The following USP6 variants were observed in gnomAD, a reference collection of about 807,000 sequenced individuals.
The protein encoded by USP6 is ubiquitin specific peptidase 6.
A neutral mutation model predicts 175.7 loss-of-function variants in USP6; 128 were observed. The observed-to-expected ratio is 0.73, with a 90% CI of 0.63 to 0.84. The LOEUF (loss-of-function observed/expected upper bound fraction) is 0.84, where lower values mean the gene tolerates loss of function less well. Ranked by LOEUF, USP6 falls within the 40% of genes least tolerant of loss-of-function variation. The pLI, the probability that USP6 is intolerant of heterozygous loss-of-function variation, is 0.00. For synonymous variants in USP6, 562 were observed against 630.6 expected (o/e 0.89, Z 1.63); for missense variants, 1,498 against 1,760.3 (o/e 0.85, Z 2.67).
At chr17:5,149,070 AG>A (rs1170214057) in intron 30 of USP6, among the ~76,000 whole-genome samples, 39 of 152,194 alleles carry the variant, frequency 2.6e-4, no homozygotes, top group African/African-American at 9.2e-4. Flanking sequence ...AAGAGGCAAC[AG>A]GATAGTCAGC....
intron 1 of USP6, among the ~76,000 whole-genome samples, chr17:5,117,973 G>A (rs1384103674): frequency 6.6e-6 from 1 of 151,780 alleles, no homozygotes; most frequent in East Asian, 1.9e-4. Flanking sequence ...GGAGGCTGAG[G>A]CAGGAGAATC....
chr17:5,126,494 G>A (rs574272465), intron 6 of USP6, among the ~76,000 whole-genome samples: 4 of 152,204 alleles, frequency 2.6e-5, no homozygotes, highest in South Asian at 2.1e-4. Context: ...GTTAGGTGAC[G>A]GTGACCTACA....
At chr17:5,146,411 G>T (rs1049280943) in intron 28 of USP6, among the ~76,000 whole-genome samples, 1 of 152,146 alleles carries the variant, frequency 6.6e-6, no homozygotes, top group Non-Finnish European at 1.5e-5. Flanking sequence ...ATGTAAGGCT[G>T]CCTATATGGA....
At chr17:5,162,467 A>C (rs2074023364) in intron 32 of USP6, among the ~76,000 whole-genome samples, 1 of 152,180 alleles carries the variant, frequency 6.6e-6, no homozygotes, top group South Asian at 2.1e-4. Flanking sequence ...TTTTATATGC[A>C]TTTATTTAAT....
intron 21 of USP6, chr17:5,138,978 A>G: frequency 6.7e-7 from 1 of 1,484,982 alleles, no homozygotes; most frequent in Non-Finnish European, 9.0e-7. Flanking sequence ...CAGGCCCAAC[A>G]GCCCTGGGAC....
chr17:5,133,851 C>T (rs1248226488), intron 14 of USP6, 36 bp from the exon 15 acceptor site: 1 of 1,600,476 alleles, frequency 6.2e-7, no homozygotes, highest in African/African-American at 1.3e-5. Context: ...TCCATCTGTT[C>T]TGAGGCTGCT....
chr17:5,135,009 C>T (rs560513886), intron 15 of USP6: 16 of 487,496 alleles, frequency 3.3e-5, no homozygotes, highest in East Asian at 2.3e-4. Flanking sequence ...AAAAATCATT[C>T]AGCGTGAAAA....
intron 31 of USP6, among the ~76,000 whole-genome samples, chr17:5,157,451 C>T (rs2073908446): frequency 6.6e-6 from 1 of 152,134 alleles, no homozygotes; most frequent in Admixed American, 6.5e-5. Context: ...AGGAAAACTG[C>T]AAATAATAGA....
intron 6 of USP6, among the ~76,000 whole-genome samples, chr17:5,126,460 G>A (rs1419167231): frequency 6.6e-6 from 1 of 152,132 alleles, no homozygotes; most frequent in Non-Finnish European, 1.5e-5. Flanking sequence ...TAAGCAGCAG[G>A]CAGAAGACTT....
intron 13 of USP6, 93 bp downstream of exon 13, chr17:5,133,083 G>C: frequency 6.9e-7 from 1 of 1,450,566 alleles, no homozygotes. Flanking sequence ...CAGCCTCTCA[G>C]AGGGCGGGTG....
intron 36 of USP6, among the ~76,000 whole-genome samples, chr17:5,171,328 A>G (rs11078550): frequency 0.49 from 73,677 of 151,870 alleles, 20,442 homozygotes; most frequent in Non-Finnish European, 0.64. Context: ...TGATAGAGCA[A>G]GCCCCTGTCT....
chr17:5,138,839 G>A (rs1164661714), intron 21 of USP6: 1 of 532,550 alleles, frequency 1.9e-6, no homozygotes. Flanking sequence ...GGGCAGCCCA[G>A]GGGGGCAGAG....
chr17:5,172,796 C>T lies in USP6; in HGVS notation c.4048-9C>T. 6.2e-7 allele frequency: 1 copy of T among 1,612,598 alleles called. No homozygotes were observed. Among genetic ancestry groups the T allele is most frequent in the Non-Finnish European group, 8.5e-7 (1 of 1,179,682 alleles). On this transcript the variant is annotated splice_polypyrimidine_tract_variant and intron_variant, in intron 37 of 37. Coordinates refer to ENST00000574788, the MANE Select transcript of USP6 (RefSeq NM_001304284.2). ...GGCTTTTTGTTAAAGGTTTTTCTTG[C>T]CCTTTCAGGAACTTCACCCTGATGA...
At chr17:5,123,345 G>A (rs2072767006) in intron 4 of USP6, among the ~76,000 whole-genome samples, 1 of 151,914 alleles carries the variant, frequency 6.6e-6, no homozygotes, top group African/African-American at 2.4e-5. Flanking sequence ...GGCACGGCCT[G>A]GCCCGGAGTG....
At chr17:5,139,127 G>A (rs4080179) in intron 21 of USP6, 128 bp from the exon 22 acceptor site, 373,339 of 1,596,930 alleles carry the variant, frequency 0.23, 55,208 homozygotes, top group East Asian at 0.59. Flanking sequence ...CAGGCGTGTC[G>A]TCAGTGTCAG....
chr17:5,142,222 C>A, intron 24 of USP6, 81 bp downstream of exon 24: 1 of 1,556,060 alleles, frequency 6.4e-7, no homozygotes, highest in Non-Finnish European at 8.7e-7. Context: ...TCTTTTTTCA[C>A]CCTGCGGGAG....
chr17:5,173,131 T>C lies in USP6; in HGVS notation c.*153T>C. ...TAATTAAAATAGTTAACTTGAAGAG[T>C]AGAAACAATTGTATTTTGAAGTCTC... On this transcript the variant is annotated 3_prime_UTR_variant, in exon 38 of 38. Coordinates refer to ENST00000574788, the MANE Select transcript of USP6 (RefSeq NM_001304284.2). 8 of 1,001,194 alleles carry C rather than the reference T, an allele frequency of 8.0e-6. No individual in the cohort carries two copies. The highest frequency in any genetic ancestry group is 1.1e-5 in the Non-Finnish European group (8 of 697,898). 62.0% of individuals were successfully genotyped at this position (1,001,194 alleles called of 1,614,324 possible).
chr17:5,144,961 A>T, intron 26 of USP6, 98 bp downstream of exon 26: 2 of 1,433,018 alleles, frequency 1.4e-6, no homozygotes, highest in Non-Finnish European at 1.8e-6. Context: ...CTATTCTGAG[A>T]TCAGAATTTT....
chr17:5,122,741 C>T (rs552824947), intron 4 of USP6, among the ~76,000 whole-genome samples: 6 of 152,350 alleles, frequency 3.9e-5, no homozygotes, highest in East Asian at 1.9e-4. Context: ...ATGGGACACC[C>T]GCAGCGGGTA....
Sources: gnomAD v4.1 joint callset for allele counts (sites outside exome capture counted in the v4.1 genomes callset) on GRCh38, gnomAD v4.1.1 for gene constraint, MANE v1.5 for transcripts, NCBI Gene and HGNC (gene_info 2026-07-23, HGNC 2026-07-21) for gene names.